PHACTR3: variants seen among roughly 807,000 people sequenced by gnomAD.
The protein encoded by PHACTR3 is protein phosphatase 1, regulatory subunit 123.
Under a neutral mutation model 66.8 loss-of-function variants are expected in PHACTR3, and 16 were observed. The ratio of observed to expected loss-of-function variants is 0.24; its 90% CI spans 0.16 to 0.36. PHACTR3 has a LOEUF of 0.36. Among genes scored for constraint, PHACTR3 ranks in the 10% least tolerant of loss-of-function variants. The pLI, the probability that PHACTR3 is intolerant of heterozygous loss-of-function variation, is 1.00. For synonymous variants in PHACTR3, 323 were observed against 292.1 expected (o/e 1.11, Z -1.08); for missense variants, 647 against 719.9 (o/e 0.90, Z 1.16).
At chr20:59,788,881 G>C (rs190047050) in intron 7 of PHACTR3, among the ~76,000 whole-genome samples, 4 of 152,332 alleles carry the variant, frequency 2.6e-5, no homozygotes, top group Non-Finnish European at 5.9e-5. Flanking sequence ...ATTCAGAAAA[G>C]ATGTGCCATG....
chr20:59,608,601 TC>T (rs1403479485), intron 1 of PHACTR3, among the ~76,000 whole-genome samples: 1 of 152,132 alleles, frequency 6.6e-6, no homozygotes, highest in Non-Finnish European at 1.5e-5. Context: ...TCTTGTCGGG[TC>T]CCAGGCTGCC....
chr20:59,789,160 T>A (rs1398094263), intron 7 of PHACTR3, among the ~76,000 whole-genome samples: 7 of 152,188 alleles, frequency 4.6e-5, no homozygotes, highest in African/African-American at 1.7e-4. Flanking sequence ...CCATAATTGA[T>A]CTCCCTGGTT....
At chr20:59,600,861 G>A (rs921349739), upstream of PHACTR3, among the ~76,000 whole-genome samples, 3 of 152,124 alleles carry the variant, frequency 2.0e-5, no homozygotes, top group African/African-American at 4.8e-5. Context: ...AGACAGGGAG[G>A]GTTTCAGTGT....
At chr20:59,700,801 T>C (rs2037476082) in intron 1 of PHACTR3, among the ~76,000 whole-genome samples, 1 of 152,254 alleles carries the variant, frequency 6.6e-6, no homozygotes, top group South Asian at 2.1e-4. Flanking sequence ...TTTTTTGTTT[T>C]TGTTTTGAGA....
At position 59,583,110 on chromosome 20, in the gene PHACTR3, G is replaced by A. The variant is rs376101861; in HGVS notation, c.109+5493G>A. Among the ~76,000 whole-genome samples, 9 of 152,100 alleles carry A rather than the reference G, an allele frequency of 5.9e-5. No individual in the cohort carries two copies. In the South Asian group the frequency reaches 8.3e-4, roughly 14 times the overall value. On this transcript the variant is annotated intron_variant, in intron 1 of 12. Coordinates refer to the PHACTR3 transcript ENST00000359926. ...GCTGCTCAAAAACACATCCCTCTGC[G>A]TCTCCTTTTGAGGCTTGTATAGCTT...
At chr20:59,836,473 G>A in intron 8 of PHACTR3, 32 bp from the exon 9 acceptor site, 1 of 1,602,408 alleles carries the variant, frequency 6.2e-7, no homozygotes, top group Non-Finnish European at 8.5e-7. Flanking sequence ...AGCCACTATG[G>A]TGCAAAATGT....
chr20:59,717,476 T>C (rs2038132915), intron 1 of PHACTR3, among the ~76,000 whole-genome samples: 1 of 152,220 alleles, frequency 6.6e-6, no homozygotes, highest in Non-Finnish European at 1.5e-5. Context: ...TGCTGAGTGC[T>C]TTATCTCATT....
intron 1 of PHACTR3, among the ~76,000 whole-genome samples, chr20:59,677,652 T>A (rs1160074843): frequency 2.0e-5 from 3 of 152,204 alleles, no homozygotes; most frequent in Non-Finnish European, 4.4e-5. Context: ...GGAGAGGTTG[T>A]CTGAATGCTA....
intron 7 of PHACTR3, among the ~76,000 whole-genome samples, chr20:59,797,444 T>A (rs1170775079): frequency 1.3e-5 from 2 of 152,184 alleles, no homozygotes; most frequent in Non-Finnish European, 2.9e-5. Context: ...GCACATATTG[T>A]GGTACAATCA....
intron 1 of PHACTR3, among the ~76,000 whole-genome samples, chr20:59,588,959 T>C (rs933044522): frequency 3.3e-5 from 5 of 152,228 alleles, no homozygotes; most frequent in African/African-American, 9.6e-5. Flanking sequence ...GAAGTGCTAA[T>C]GTTCTAATGT....
At position 59,830,912 on chromosome 20, in the gene PHACTR3, A is replaced by G. The variant is rs1364773843; in HGVS notation, c.1329-5593A>G. Among the ~76,000 whole-genome samples the G allele has an allele frequency of 6.6e-6, 1 of 152,084 alleles. No homozygotes were observed. Among genetic ancestry groups the G allele is most frequent in the Non-Finnish European group, 1.5e-5 (1 of 68,016 alleles). On this transcript the variant is annotated intron_variant, in intron 8 of 12. Coordinates refer to ENST00000371015, the MANE Select transcript of PHACTR3 (RefSeq NM_080672.5). The surrounding 1 kb of genome is among the most constrained non-coding windows in gnomAD (Gnocchi z 5.8). ...AATAGACAGTTGACAGCCTCCACAG[A>G]CCTGGAAATGTGGGTGGCACAGTGG...
At chr20:59,705,611 C>T (rs778661123) in intron 1 of PHACTR3, among the ~76,000 whole-genome samples, 5 of 146,632 alleles carry the variant, frequency 3.4e-5, no homozygotes, top group Non-Finnish European at 6.1e-5. Context: ...TAGATTGGTT[C>T]ATCAGCTGCT....
At chr20:59,613,296 G>A (rs1472203167) in intron 1 of PHACTR3, among the ~76,000 whole-genome samples, 5 of 152,198 alleles carry the variant, frequency 3.3e-5, no homozygotes, top group African/African-American at 1.2e-4. Context: ...TCGTAGGGTG[G>A]GACGTTCAGT....
At chr20:59,776,389 T>C (rs1370121670) in intron 7 of PHACTR3, among the ~76,000 whole-genome samples, 2 of 152,184 alleles carry the variant, frequency 1.3e-5, no homozygotes, top group Non-Finnish European at 2.9e-5. Flanking sequence ...GCGCCAGCTT[T>C]CCGCTCTGTG....
chr20:59,737,116 T>A (rs1214301860), intron 1 of PHACTR3, among the ~76,000 whole-genome samples: 6 of 152,154 alleles, frequency 3.9e-5, no homozygotes, highest in Non-Finnish European at 7.4e-5. Flanking sequence ...CCCCAGCACA[T>A]CCACGCCTCT....
At chr20:59,733,769 G>T (rs1317146717) in intron 1 of PHACTR3, among the ~76,000 whole-genome samples, 1 of 152,160 alleles carries the variant, frequency 6.6e-6, no homozygotes, top group Non-Finnish European at 1.5e-5. Context: ...GATGAAAATA[G>T]TTCTTCGCTT....
chr20:59,587,273 C>T (rs144296808), intron 1 of PHACTR3, among the ~76,000 whole-genome samples: 5 of 152,332 alleles, frequency 3.3e-5, no homozygotes, highest in Non-Finnish European at 7.3e-5. Flanking sequence ...TTCCGAGGAT[C>T]GTCTAAGCAG....
chr20:59,603,692 T>C (rs1224964766), upstream of PHACTR3: 1 of 151,534 alleles, frequency 6.6e-6, no homozygotes, highest in East Asian at 2.0e-4. Context: ...GGTTGAGAAA[T>C]TGAAATGGGG....
intron 1 of PHACTR3, among the ~76,000 whole-genome samples, chr20:59,581,620 G>A (rs889499733): frequency 1.3e-5 from 2 of 152,192 alleles, no homozygotes; most frequent in African/African-American, 2.4e-5. Flanking sequence ...GGTGGCTCAC[G>A]CCTGTAATCC....
Sources: gnomAD v4.1 joint callset for allele counts (sites outside exome capture counted in the v4.1 genomes callset) on GRCh38, gnomAD v4.1.1 for gene constraint, Gnocchi (gnomAD v3.1) non-coding constraint, MANE v1.5 for transcripts, NCBI Gene and HGNC (gene_info 2026-07-23, HGNC 2026-07-21) for gene names.